GLUD1: variants seen among roughly 807,000 people sequenced by gnomAD.
GLUD1 encodes the protein glutamate dehydrogenase 1.
GLUD1 carries 22 observed loss-of-function variants against 56.0 expected under a neutral mutation model. The observed-to-expected ratio is 0.39, with a 90% CI of 0.28 to 0.56. The LOEUF is 0.56. Among genes scored for constraint, GLUD1 ranks in the 20% least tolerant of loss-of-function variants. The pLI is 0.58. For synonymous variants in GLUD1, 223 were observed against 269.9 expected (o/e 0.83, Z 1.70); for missense variants, 451 against 732.0 (o/e 0.62, Z 4.43).
chr10:87,092,248 G>A (rs1841526132), intron 1 of GLUD1, among the ~76,000 whole-genome samples: 1 of 152,108 alleles, frequency 6.6e-6, no homozygotes, highest in Non-Finnish European at 1.5e-5. Context: ...ATATTTAAGG[G>A]CTTTCATAGC....
At chr10:87,093,190 G>A (rs1841566567) in intron 1 of GLUD1, among the ~76,000 whole-genome samples, 1 of 152,204 alleles carries the variant, frequency 6.6e-6, no homozygotes, top group African/African-American at 2.4e-5. Context: ...ATCCTCATAA[G>A]TCAGCGGGCA....
chr10:87,072,010 T>C (rs1846252187), intron 4 of GLUD1, among the ~76,000 whole-genome samples: 1 of 152,232 alleles, frequency 6.6e-6, no homozygotes, highest in African/African-American at 2.4e-5. Flanking sequence ...CAGTGGCTCA[T>C]GCCTATAATC....
At chr10:87,057,282 T>G (rs755348210) in intron 11 of GLUD1, among the ~76,000 whole-genome samples, 1 of 152,186 alleles carries the variant, frequency 6.6e-6, no homozygotes, top group Admixed American at 6.5e-5. Flanking sequence ...CCACCATGCC[T>G]GGCCTCTTGT....
In GLUD1 at chr10:87,051,438, A is replaced by G; in HGVS notation, c.*313T>C. 1 of 425,810 alleles carries G rather than the reference A, an allele frequency of 2.3e-6. No individual in the cohort carries two copies. The highest frequency in any genetic ancestry group is 2.1e-5 in the South Asian group (1 of 47,284). The allele number at this position is 425,810 out of a possible 1,614,324, so 26.4% of individuals were successfully genotyped here. ...CTCTTGACTGTTCCTCCCCAGCACTAGCACTGATTGTGTTGGGAAAAGCCA... is the reference window on the plus strand; with the variant it reads ...CTCTTGACTGTTCCTCCCCAGCACTGGCACTGATTGTGTTGGGAAAAGCCA... On this transcript the variant is annotated 3_prime_UTR_variant, in exon 13 of 13. Transcript: ENST00000277865.
chr10:87,086,783 A>C (rs1841392848), intron 1 of GLUD1, among the ~76,000 whole-genome samples: 1 of 151,246 alleles, frequency 6.6e-6, no homozygotes, highest in Non-Finnish European at 1.5e-5. Context: ...GTAAGCCAAG[A>C]TCGCGCCACT....
At chr10:87,058,223 G>A (rs1004832007) in intron 10 of GLUD1, among the ~76,000 whole-genome samples, 11 of 152,130 alleles carry the variant, frequency 7.2e-5, no homozygotes, top group Non-Finnish European at 1.5e-4. Context: ...CAGTCAGGAA[G>A]GAATAAAACA....
intron 1 of GLUD1, among the ~76,000 whole-genome samples, chr10:87,080,644 G>A (rs1242621905): frequency 1.3e-5 from 2 of 151,576 alleles, no homozygotes; most frequent in Non-Finnish European, 2.9e-5. Context: ...CGTCTGGGAG[G>A]TGAGGAGCGT....
At chr10:87,080,616 T>G (rs1841202696) in intron 1 of GLUD1, among the ~76,000 whole-genome samples, 1 of 150,742 alleles carries the variant, frequency 6.6e-6, no homozygotes, top group African/African-American at 2.5e-5. Context: ...GAGGAGCGCC[T>G]CTGCCCGGCC....
chr10:87,082,822 A>G (rs1009931614), intron 1 of GLUD1, among the ~76,000 whole-genome samples: 3 of 152,210 alleles, frequency 2.0e-5, no homozygotes, highest in East Asian at 1.9e-4. Context: ...AATAAGACAC[A>G]ATGTACCCAC....
At chr10:87,053,220 A>G (rs746152377) in intron 12 of GLUD1, 122 bp downstream of exon 12, 2 of 744,826 alleles carry the variant, frequency 2.7e-6, no homozygotes, top group Non-Finnish European at 2.5e-6. Flanking sequence ...GCTACACACA[A>G]ATGAGGACCA....
At chr10:87,075,851 T>G (rs1846372862) in intron 3 of GLUD1, 117 bp downstream of exon 3, 1 of 758,470 alleles carries the variant, frequency 1.3e-6, no homozygotes, top group African/African-American at 1.7e-5. Context: ...GAGGCGGAGG[T>G]TGCAGTGAGC....
At chr10:87,093,649 G>C (rs980994482) in intron 1 of GLUD1, among the ~76,000 whole-genome samples, 4 of 152,166 alleles carry the variant, frequency 2.6e-5, no homozygotes, top group Non-Finnish European at 5.9e-5. Flanking sequence ...TAAATTTACT[G>C]TCAGGACGCC....
intron 4 of GLUD1, among the ~76,000 whole-genome samples, chr10:87,071,939 G>A (rs1167619624): frequency 6.6e-6 from 1 of 152,190 alleles, no homozygotes; most frequent in Non-Finnish European, 1.5e-5. Flanking sequence ...TAAATGGAAA[G>A]ACATCTCATA....
chr10:87,058,340 A>G (rs1845841448), intron 10 of GLUD1, among the ~76,000 whole-genome samples: 2 of 152,152 alleles, frequency 1.3e-5, no homozygotes, highest in Non-Finnish European at 2.9e-5. Flanking sequence ...ACGCTGGGGG[A>G]AAAAGAAAAG....
rs1589356779 is a variant in GLUD1 at position 87,058,884 on chromosome 10, C to T, written c.1402+266G>A. The stretch of plus-strand genomic sequence containing the variant: ...CCAGCCTCGGCGACGGAGCGAGACT[C>T]CCTCTCAAAAAAAGAAAAAAAAAAT... On this transcript the variant is annotated intron_variant, in intron 10 of 12. Transcript: ENST00000277865. Among the ~76,000 whole-genome samples the T allele has an allele frequency of 8.6e-5, 13 of 151,950 alleles. 1 individual carries two copies. In the South Asian group the frequency reaches 2.7e-3, roughly 32 times the overall value.
chr10:87,055,249 G>T (rs1284092283), intron 11 of GLUD1, among the ~76,000 whole-genome samples: 1 of 152,056 alleles, frequency 6.6e-6, no homozygotes, highest in East Asian at 1.9e-4. Context: ...TATGACAAAG[G>T]AAACAAGACT....
intron 11 of GLUD1, among the ~76,000 whole-genome samples, chr10:87,055,900 G>A (rs1252865258): frequency 6.6e-6 from 1 of 151,944 alleles, no homozygotes; most frequent in East Asian, 1.9e-4. Flanking sequence ...TGGATCACGA[G>A]GTCAGGGGTT....
At chr10:87,078,392 C>G (rs1321197889) in intron 1 of GLUD1, among the ~76,000 whole-genome samples, 4 of 152,188 alleles carry the variant, frequency 2.6e-5, no homozygotes, top group Non-Finnish European at 5.9e-5. Flanking sequence ...CTTTCTCACT[C>G]CCACTTTCCT....
intron 1 of GLUD1, among the ~76,000 whole-genome samples, chr10:87,081,513 A>C (rs890466479): frequency 3.9e-5 from 6 of 152,204 alleles, no homozygotes; most frequent in Non-Finnish European, 5.9e-5. Flanking sequence ...AAGCGGGGAA[A>C]GGTGGGGAAA....
Sources: allele counts gnomAD v4.1 joint callset (sites outside exome capture counted in the v4.1 genomes callset), GRCh38; gene constraint gnomAD v4.1.1; transcripts MANE v1.5; gene names NCBI Gene and HGNC (gene_info 2026-07-23, HGNC 2026-07-21).